Variants in KCNAB2 observed in about 807,000 individuals in gnomAD.
KCNAB2 encodes the protein voltage-gated potassium channel subunit beta-2.
In KCNAB2, 29 loss-of-function variants were observed where a neutral mutation model predicts 63.6. That is an observed-to-expected ratio of 0.46 (90% CI 0.34 to 0.62). The LOEUF is 0.62. Among genes scored for constraint, KCNAB2 ranks in the 20% least tolerant of loss-of-function variants. The pLI is 0.01. For missense variants in KCNAB2, 359 were observed against 563.9 expected (o/e 0.64, Z 3.68); for synonymous variants, 222 against 224.2 (o/e 0.99, Z 0.09).
intron 2 of KCNAB2, among the ~76,000 whole-genome samples, chr1:6,052,836 G>A (rs1661506630): frequency 6.6e-6 from 1 of 151,996 alleles, no homozygotes; most frequent in South Asian, 2.1e-4. Context: ...GCAATATTTG[G>A]GTCATACTTA....
chr1:6,025,241 C>G (rs1227348779), intron 1 of KCNAB2, among the ~76,000 whole-genome samples: 1 of 152,130 alleles, frequency 6.6e-6, no homozygotes. Flanking sequence ...GAGCTGTGTA[C>G]CTATGCCAGG....
chr1:6,062,744 C>A (rs1570995096), intron 2 of KCNAB2, among the ~76,000 whole-genome samples: 1 of 152,186 alleles, frequency 6.6e-6, no homozygotes, highest in African/African-American at 2.4e-5. Context: ...CAGGGAACAG[C>A]AGGAATAGAA....
At chr1:6,089,957 C>CT (rs1386374294) in intron 8 of KCNAB2, among the ~76,000 whole-genome samples, 1 of 152,228 alleles carries the variant, frequency 6.6e-6, no homozygotes, top group Non-Finnish European at 1.5e-5. Flanking sequence ...CCGCCTTGGC[C>CT]CCCCAGAGTG....
At chr1:6,063,441 G>A (rs1360750483) in intron 2 of KCNAB2, among the ~76,000 whole-genome samples, 2 of 132,744 alleles carry the variant, frequency 1.5e-5, no homozygotes, top group African/African-American at 5.6e-5. Flanking sequence ...ACAGAGTCTT[G>A]CCCTGTCACC....
intron 1 of KCNAB2, among the ~76,000 whole-genome samples, chr1:6,046,410 G>A (rs915953839): frequency 1.4e-4 from 22 of 152,160 alleles, no homozygotes; most frequent in African/African-American, 5.1e-4. Flanking sequence ...GGTTTCAGCC[G>A]GGCAGCACCT....
Position 6,085,090 on chromosome 1 carries a change from T to C in KCNAB2, c.381-114T>C, listed in dbSNP as rs554995554. 9.0e-5 allele frequency: 99 copies of C among 1,095,024 alleles called. 1 individual carries two copies. In the East Asian group the frequency reaches 2.3e-3, roughly 25 times the overall value. The allele number at this position is 1,095,024 out of a possible 1,614,324, so 67.8% of individuals were successfully genotyped here. A position where few individuals can be genotyped will look rare whatever the true frequency, so the allele number is the denominator to read the frequency against. On this transcript the variant is annotated intron_variant, in intron 5 of 15. Coordinates refer to ENST00000378083, the MANE Select transcript of KCNAB2 (RefSeq NM_001199862.2). ...CCAAGGCGGGTGTTAACAGCCTGGC[T>C]CTCTGGCCCCAGTGACATTTTCACA...
chr1:6,025,231 G>A (rs1019176259), intron 1 of KCNAB2, among the ~76,000 whole-genome samples: 1 of 152,170 alleles, frequency 6.6e-6, no homozygotes, highest in Admixed American at 6.5e-5. Context: ...GTAGGCTTCA[G>A]AGCTGTGTAC....
At chr1:6,044,277 G>A (rs944998024), upstream of KCNAB2, among the ~76,000 whole-genome samples, 2 of 152,166 alleles carry the variant, frequency 1.3e-5, no homozygotes, top group African/African-American at 2.4e-5. Context: ...GTCTCAAATA[G>A]CCCTGATGAT....
chr1:6,063,341 C>A (rs1312054602), intron 2 of KCNAB2, among the ~76,000 whole-genome samples: 1 of 151,522 alleles, frequency 6.6e-6, no homozygotes, highest in Non-Finnish European at 1.5e-5. Flanking sequence ...TGGAATCATA[C>A]GTGTTCTTTC....
rs557229672 is a variant in KCNAB2, at chr1:6,090,192, GA to G, written c.515-195del. On this transcript the variant is annotated intron_variant, in intron 8 of 15. Transcript: ENST00000378083. Reference sequence around the variant, plus strand: ...TGGTCCCCCGATGTCCTCCTGAAGGGAAGATCCCCCCACTCCCTGTGGGATG... The same window carrying G: ...TGGTCCCCCGATGTCCTCCTGAAGGGAGATCCCCCCACTCCCTGTGGGATG... Among the ~76,000 whole-genome samples, 3 of 152,300 alleles carry G rather than the reference GA, an allele frequency of 2.0e-5. No homozygotes were observed. The South Asian group carries it at 6.2e-4, about 32-fold the overall frequency.
chr1:6,087,423 G>A lies in KCNAB2; in HGVS notation c.426-44G>A, dbSNP rs1463016191. 6.2e-7 allele frequency: 1 copy of A among 1,607,048 alleles called. No homozygotes were observed. The highest frequency in any genetic ancestry group is 8.5e-7 in the Non-Finnish European group (1 of 1,173,532). Reference sequence around the variant, plus strand: ...GTCGGGGATGAAGGAGGACCCCCCAGGGGCCGGGCTTATCACACCCCTTCT... The same window carrying A: ...GTCGGGGATGAAGGAGGACCCCCCAAGGGCCGGGCTTATCACACCCCTTCT... On this transcript the variant is annotated intron_variant, in intron 6 of 15. Transcript: ENST00000378083. The surrounding 1 kb of genome is among the most constrained non-coding windows in gnomAD (Gnocchi z 6.4).
chr1:6,057,881 T>C (rs1052902105), intron 2 of KCNAB2, among the ~76,000 whole-genome samples: 1 of 152,202 alleles, frequency 6.6e-6, no homozygotes, highest in Non-Finnish European at 1.5e-5. Context: ...CCAGGCACAG[T>C]GGCTCATGCT....
chr1:6,041,525 A>G (rs575557514), upstream of KCNAB2: 179 of 440,640 alleles, frequency 4.1e-4, no homozygotes, highest in African/African-American at 3.2e-3. Context: ...AGCACATTCA[A>G]TCCAAACCAA....
chr1:6,095,284 A>C, intron 11 of KCNAB2, 39 bp from the exon 12 acceptor site: 1 of 1,579,084 alleles, frequency 6.3e-7, no homozygotes, highest in Non-Finnish European at 8.6e-7. Flanking sequence ...CCGCCTGCTC[A>C]CAGGCAAGGG....
chr1:6,058,135 C>CAAGA (rs1661999428), intron 2 of KCNAB2, among the ~76,000 whole-genome samples: 2 of 152,184 alleles, frequency 1.3e-5, no homozygotes, highest in Non-Finnish European at 1.5e-5. Context: ...GGTGACAGAA[C>CAAGA]AAGACCCTGC....
Position 6,006,571 on chromosome 1 carries a change from C to T in KCNAB2, c.-53+13783C>T, listed in dbSNP as rs114598692. 2.1e-3 allele frequency among the ~76,000 whole-genome samples: 5 copies of T among 2,326 alleles called. 1 individual carries two copies. The highest frequency in any genetic ancestry group is 5.2e-3 in the African/African-American group (5 of 970). 1.5% of individuals were successfully genotyped at this position (2,326 alleles called of 152,430 possible). A position where few individuals can be genotyped will look rare whatever the true frequency, so the allele number is the denominator to read the frequency against. On this transcript the variant is annotated intron_variant, in intron 1 of 16. Coordinates refer to the KCNAB2 transcript ENST00000341524. ...TCCTCCCCTACCCCTCAGCTCAGCT[C>T]CCACATCCCCCCACTTCACCCTCAC...
intron 1 of KCNAB2, among the ~76,000 whole-genome samples, chr1:5,998,622 C>G (rs1441398807): frequency 6.6e-6 from 1 of 152,060 alleles, no homozygotes; most frequent in Non-Finnish European, 1.5e-5. Flanking sequence ...TTCCAGAGCC[C>G]GGGGAGGAGA....
intron 10 of KCNAB2, among the ~76,000 whole-genome samples, chr1:6,091,885 G>A (rs1349403644): frequency 1.3e-5 from 2 of 152,192 alleles, no homozygotes; most frequent in African/African-American, 2.4e-5. Flanking sequence ...CTCCATCAAC[G>A]TGGAATCATT....
chr1:6,091,335 G>C (rs1665170074), intron 10 of KCNAB2, 28 bp downstream of exon 10: 2 of 1,483,890 alleles, frequency 1.3e-6, no homozygotes, highest in Admixed American at 2.0e-5. Flanking sequence ...CCTGACTATT[G>C]ACTTCTGTGT....
Sources: allele counts gnomAD v4.1 joint callset (sites outside exome capture counted in the v4.1 genomes callset), GRCh38; gene constraint gnomAD v4.1.1; non-coding constraint Gnocchi (gnomAD v3.1); transcripts MANE v1.5; gene names NCBI Gene and HGNC (gene_info 2026-07-23, HGNC 2026-07-21).